Variants in ADCY2 observed in about 807,000 individuals in gnomAD.
The protein encoded by ADCY2 is adenylate cyclase type 2.
A neutral mutation model predicts 125.2 loss-of-function variants in ADCY2; 31 were observed. The observed-to-expected ratio is 0.25, with a 90% CI of 0.19 to 0.33. The LOEUF (loss-of-function observed/expected upper bound fraction) is 0.33. Among genes scored for constraint, ADCY2 ranks in the 10% least tolerant of loss-of-function variants. The probability of loss-of-function intolerance (pLI) is 1.00; values close to 1 mark genes in which losing one functional copy is unlikely to be tolerated. For synonymous variants in ADCY2, 512 were observed against 548.4 expected, an observed-to-expected ratio of 0.93 and a Z score of 0.93; for missense variants, 904 against 1,418.2, an observed-to-expected ratio of 0.64 and a Z score of 5.82.
At chr5:7,491,359 C>A (rs1743159310) in intron 2 of ADCY2, among the ~76,000 whole-genome samples, 2 of 152,194 alleles carry the variant, frequency 1.3e-5, no homozygotes, top group South Asian at 4.1e-4. Context: ...TCAAGCCATT[C>A]TCCCTGCCTC....
intron 2 of ADCY2, among the ~76,000 whole-genome samples, chr5:7,454,466 A>C (rs1741593219): frequency 6.6e-6 from 1 of 152,208 alleles, no homozygotes; most frequent in African/African-American, 2.4e-5. Flanking sequence ...CCAATGGAGA[A>C]AACTGTTTTC....
At chr5:7,799,099 T>C (rs534868259) in intron 20 of ADCY2, 1 of 152,366 alleles carries the variant, frequency 6.6e-6, no homozygotes, top group East Asian at 1.9e-4. Flanking sequence ...TGAATGAATG[T>C]TGAGGAGACG....
intron 5 of ADCY2, among the ~76,000 whole-genome samples, chr5:7,693,577 C>A (rs1399153901): frequency 2.6e-5 from 4 of 151,996 alleles, no homozygotes; most frequent in African/African-American, 9.7e-5. Flanking sequence ...TGCCACTGTG[C>A]CCAGTTAAGT....
intron 4 of ADCY2, among the ~76,000 whole-genome samples, chr5:7,644,070 A>G (rs1738805020): frequency 6.6e-6 from 1 of 152,138 alleles, no homozygotes; most frequent in Admixed American, 6.6e-5. Context: ...AAACTAAAAA[A>G]GTTATATTTT....
At chr5:7,583,402 A>C (rs1736499848) in intron 3 of ADCY2, among the ~76,000 whole-genome samples, 1 of 152,080 alleles carries the variant, frequency 6.6e-6, no homozygotes, top group Non-Finnish European at 1.5e-5. Flanking sequence ...TAAAAGTAGA[A>C]CAAAGTTAAA....
chr5:7,474,243 C>G (rs1742439782), intron 2 of ADCY2, among the ~76,000 whole-genome samples: 2 of 152,118 alleles, frequency 1.3e-5, no homozygotes, highest in Non-Finnish European at 2.9e-5. Context: ...TTGAACAAAG[C>G]AAGATTGAAC....
At chr5:7,715,843 C>T (rs1445361032) in intron 11 of ADCY2, among the ~76,000 whole-genome samples, 2 of 152,116 alleles carry the variant, frequency 1.3e-5, no homozygotes, top group African/African-American at 2.4e-5. Flanking sequence ...ATATTTAATG[C>T]TATTCTTATC....
At chr5:7,789,508 G>T (rs1484622678) in intron 19 of ADCY2, 134 bp from the exon 20 acceptor site, 34 of 802,154 alleles carry the variant, frequency 4.2e-5, no homozygotes, top group Non-Finnish European at 5.9e-5. Context: ...GGGCTTTATG[G>T]GGAGGGTGGA....
intron 7 of ADCY2, among the ~76,000 whole-genome samples, chr5:7,698,695 T>C (rs1438747616): frequency 6.6e-6 from 1 of 152,222 alleles, no homozygotes; most frequent in Non-Finnish European, 1.5e-5. Context: ...GTTTCATCCG[T>C]GTCCCTGCCA....
At chr5:7,756,360 T>C (rs1190878486) in intron 15 of ADCY2, among the ~76,000 whole-genome samples, 1 of 152,138 alleles carries the variant, frequency 6.6e-6, no homozygotes, top group Non-Finnish European at 1.5e-5. Flanking sequence ...CAATTCCTTC[T>C]TGTATCAAAA....
At position 7,626,309 on chromosome 5, in the gene ADCY2, G is replaced by A. The variant is rs144846733; in HGVS notation, c.713G>A (p.Arg238His). 6.8e-6 allele frequency: 11 copies of A among 1,613,638 alleles called. No individual in the cohort carries two copies. The highest frequency in any genetic ancestry group is 2.2e-5 in the East Asian group (1 of 44,864). Reference sequence around the variant, plus strand: ...CGGATCAAGTTGGAATTTGAAAAACGTCAACAGGTAATGGATGTTTCATCT... The same window carrying A: ...CGGATCAAGTTGGAATTTGAAAAACATCAACAGGTAATGGATGTTTCATCT... ...KSRIKLEFEKRQQERLLLSLL... is the reference protein window; with the variant it reads ...KSRIKLEFEKHQQERLLLSLL... Residue 238 changes from arginine (R) to histidine (H), a missense_variant, in exon 4 of 25, where the codon CGT becomes CAT. This residue lies in a region of ADCY2 where 117 missense variants were observed against 248.0 expected (regional missense o/e 0.47). Transcript: ENST00000338316.
In ADCY2 at chr5:7,613,166, A is replaced by C. The variant is rs868704510; in HGVS notation, c.571-13001A>C. ...AAAACTTAAAGTATAATAATAAAAA[A>C]AAAAAGATTGCACACAAGAGCTGTT... is the stretch of plus-strand genomic sequence containing the variant. On this transcript the variant is annotated intron_variant, in intron 3 of 24. Coordinates refer to ENST00000338316, the MANE Select transcript of ADCY2 (RefSeq NM_020546.3). 4.6e-5 allele frequency among the ~76,000 whole-genome samples: 7 copies of C among 152,262 alleles called. No individual in the cohort carries two copies. The East Asian group carries it at 1.2e-3, about 25-fold the overall frequency.
In ADCY2 at chr5:7,812,247, G is replaced by A. The variant is rs184941938; in HGVS notation, c.2884-4619G>A. Among the ~76,000 whole-genome samples, 12 of 152,258 alleles carry A rather than the reference G, an allele frequency of 7.9e-5. No homozygotes were observed. In the East Asian group the frequency reaches 2.3e-3, roughly 29 times the overall value. On this transcript the variant is annotated intron_variant, in intron 22 of 24. Coordinates refer to ENST00000338316, the MANE Select transcript of ADCY2 (RefSeq NM_020546.3). ...AAAAATCCTAAGTCTGTGTATTTTT[G>A]TGCAAACACCAAAGCTGTCATGATG...
chr5:7,540,297 C>CT (rs1734953258), intron 3 of ADCY2, among the ~76,000 whole-genome samples: 1 of 134,308 alleles, frequency 7.4e-6, no homozygotes, highest in Non-Finnish European at 1.5e-5. Context: ...ATGTAACAAA[C>CT]CAAAAAAAAA....
intron 3 of ADCY2, among the ~76,000 whole-genome samples, chr5:7,591,577 T>C (rs1736850026): frequency 6.6e-6 from 1 of 152,164 alleles, no homozygotes; most frequent in South Asian, 2.1e-4. Context: ...TTTGATCATG[T>C]CGATGGTTAT....
intron 22 of ADCY2, among the ~76,000 whole-genome samples, chr5:7,815,606 A>G (rs1316353512): frequency 1.3e-5 from 2 of 152,258 alleles, no homozygotes; most frequent in Admixed American, 1.3e-4. Context: ...AAATATAAAT[A>G]TAGTAAGTGC....
intron 2 of ADCY2, among the ~76,000 whole-genome samples, chr5:7,512,848 G>A (rs180965367): frequency 1.3e-5 from 2 of 152,230 alleles, no homozygotes; most frequent in East Asian, 3.9e-4. Flanking sequence ...GAGACCTGTG[G>A]AAGCATCTGG....
At chr5:7,452,965 G>A (rs971952833) in intron 2 of ADCY2, among the ~76,000 whole-genome samples, 1 of 151,996 alleles carries the variant, frequency 6.6e-6, no homozygotes, top group Admixed American at 6.6e-5. Flanking sequence ...TTTTGTCCTT[G>A]TTGATTTGAG....
intron 3 of ADCY2, among the ~76,000 whole-genome samples, chr5:7,571,513 G>A (rs1561101519): frequency 6.6e-6 from 1 of 152,110 alleles, no homozygotes; most frequent in Non-Finnish European, 1.5e-5. Flanking sequence ...TAATTTCAGT[G>A]TGAATCTCTT....
Sources: allele counts gnomAD v4.1 joint callset (sites outside exome capture counted in the v4.1 genomes callset), GRCh38; gene constraint gnomAD v4.1.1; regional missense constraint gnomAD v4.1.1; transcripts MANE v1.5; gene names NCBI Gene and HGNC (gene_info 2026-07-23, HGNC 2026-07-21).